Variants in MCMBP observed in about 807,000 individuals in gnomAD.
MCMBP encodes mini-chromosome maintenance complex-binding protein.
MCMBP carries 31 observed loss-of-function variants against 81.3 expected under a neutral mutation model. The observed-to-expected ratio is 0.38, with a 90% CI of 0.29 to 0.51. The LOEUF (loss-of-function observed/expected upper bound fraction) is 0.51, where lower values mean the gene tolerates loss of function less well. Ranked by LOEUF, MCMBP falls within the 20% of genes least tolerant of loss-of-function variation. The pLI is 0.87. For synonymous variants in MCMBP, 267 were observed against 275.9 expected (o/e 0.97, Z 0.32); for missense variants, 645 against 772.1 (o/e 0.84, Z 1.95).
At chr10:119,857,159 T>C (rs1241309325) in intron 5 of MCMBP, among the ~76,000 whole-genome samples, 179 bp downstream of exon 5, 1 of 150,986 alleles carries the variant, frequency 6.6e-6, no homozygotes, top group Non-Finnish European at 1.5e-5. Context: ...ACTATAGGAA[T>C]GTACTGTTAT....
chr10:119,857,315 A>T, intron 5 of MCMBP, 23 bp downstream of exon 5: 18 of 1,535,382 alleles, frequency 1.2e-5, no homozygotes, highest in Admixed American at 1.8e-5. Flanking sequence ...TCAACACAGT[A>T]AGAAAGTTCA....
Position 119,847,673 on chromosome 10 carries a change from A to G in MCMBP, c.767T>C (p.Leu256Pro). Residue 256 changes from leucine to proline, a missense_variant, in exon 8 of 16, where the codon CTT (leucine) becomes CCT (proline). Physicochemically the swap from Leu to Pro is moderately conservative, Grantham distance 98. Coordinates refer to ENST00000369077, the MANE Select transcript of MCMBP (RefSeq NM_001256378.2). ...CACAGACAGTATGCCATATAGCTCA[A>G]GAATGTCATTTACTTTGAAACAATC... ...DWDCFKVNDI[L>P]ELYGILSVDP... The G allele has an allele frequency of 6.2e-7, 1 of 1,611,974 alleles. No homozygotes were observed. The highest frequency in any genetic ancestry group is 8.5e-7 in the Non-Finnish European group (1 of 1,179,024).
rs1201694955 is a variant in MCMBP at position 119,849,492 on chromosome 10, T to C, written c.659A>G (p.Asn220Ser). 1.2e-6 allele frequency: 2 copies of C among 1,611,592 alleles called. No individual in the cohort carries two copies. The highest frequency in any genetic ancestry group is 1.7e-6 in the Non-Finnish European group (2 of 1,179,254). ...ATTCAAATCAAAAGGAGAAGACAAG[T>C]TCAGAGAGTTCAGCTGTTGCCCAGT... ...ASTGQQLNSL[N>S]LSSPFDLNFP... Residue 220 changes from asparagine (N) to serine (S), a missense_variant, in exon 7 of 16, where the codon AAC becomes AGC. Asn to Ser is a conservative substitution (Grantham distance 46, BLOSUM62 1). Coordinates refer to ENST00000369077, the MANE Select transcript of MCMBP (RefSeq NM_001256378.2).
intron 2 of MCMBP, 67 bp downstream of exon 2, chr10:119,859,732 G>A (rs899415932): frequency 1.0e-6 from 1 of 981,212 alleles, no homozygotes. Flanking sequence ...GGGTTACTTA[G>A]TTACTCTACT....
At chr10:119,872,330 G>C (rs1236042853) in intron 1 of MCMBP, among the ~76,000 whole-genome samples, 197 bp downstream of exon 1, 1 of 151,988 alleles carries the variant, frequency 6.6e-6, no homozygotes, top group Non-Finnish European at 1.5e-5. Context: ...AGGTACCTGC[G>C]GCCCGGCTCC....
intron 1 of MCMBP, among the ~76,000 whole-genome samples, chr10:119,866,091 TA>T (rs60232741): frequency 0.19 from 24,153 of 129,220 alleles, 2,005 homozygotes; most frequent in South Asian, 0.45. Flanking sequence ...CTCTATCTCT[TA>T]AAAAAAAAAA....
At chr10:119,859,922 G>T in intron 1 of MCMBP, 38 bp from the exon 2 acceptor site, 1 of 1,446,516 alleles carries the variant, frequency 6.9e-7, no homozygotes, top group South Asian at 1.2e-5. Context: ...TAATGTACAT[G>T]CAATATATAA....
chr10:119,831,740 C>T, intron 15 of MCMBP, 140 bp from the exon 16 acceptor site: 1 of 1,031,130 alleles, frequency 9.7e-7, no homozygotes, highest in South Asian at 1.7e-5. Flanking sequence ...CACAAGTCAA[C>T]AGCCAAGTTA....
intron 5 of MCMBP, among the ~76,000 whole-genome samples, chr10:119,853,679 T>G (rs973797523): frequency 6.6e-6 from 1 of 152,176 alleles, no homozygotes; most frequent in African/African-American, 2.4e-5. Flanking sequence ...AAGGTTCCAT[T>G]TGGATCTCTG....
chr10:119,873,452 G>C (rs566265316), upstream of MCMBP: 143 of 152,358 alleles, frequency 9.4e-4, 1 homozygote, highest in African/African-American at 3.3e-3. Flanking sequence ...CGCTCTAAAC[G>C]CTCCGGGCCC....
intron 1 of MCMBP, among the ~76,000 whole-genome samples, chr10:119,862,473 A>C (rs952464154): frequency 4.6e-5 from 7 of 152,200 alleles, no homozygotes; most frequent in African/African-American, 1.7e-4. Flanking sequence ...AAGTCCTAGT[A>C]AATCTTCAAG....
intron 5 of MCMBP, among the ~76,000 whole-genome samples, chr10:119,853,878 G>C (rs1386699739): frequency 6.6e-6 from 1 of 152,074 alleles, no homozygotes; most frequent in African/African-American, 2.4e-5. Context: ...ATGATCTACT[G>C]TTCAACAAGG....
chr10:119,871,962 G>A (rs574319847), intron 1 of MCMBP, among the ~76,000 whole-genome samples: 1 of 152,246 alleles, frequency 6.6e-6, no homozygotes, highest in African/African-American at 2.4e-5. Flanking sequence ...CAGACTAGAT[G>A]GGTTCTAAAG....
intron 15 of MCMBP, among the ~76,000 whole-genome samples, 165 bp from the exon 16 acceptor site, chr10:119,831,765 A>G (rs1203004751): frequency 6.6e-6 from 1 of 152,250 alleles, no homozygotes; most frequent in Admixed American, 6.5e-5. Context: ...TCTAAAAAGA[A>G]ATCGTTGAAG....
At position 119,868,077 on chromosome 10, in the gene MCMBP, A is replaced by C. The variant is rs183150669; in HGVS notation, c.58+4450T>G. On this transcript the variant is annotated intron_variant, in intron 1 of 15. Coordinates refer to ENST00000369077, the MANE Select transcript of MCMBP (RefSeq NM_001256378.2). ...CTAGTTCTGTTAGATACAACCAAAGAAGCTTAAATATAACGAGAATAATGA... is the reference window on the plus strand; with the variant it reads ...CTAGTTCTGTTAGATACAACCAAAGCAGCTTAAATATAACGAGAATAATGA... Among the ~76,000 whole-genome samples, 231 of 152,294 alleles carry C rather than the reference A, an allele frequency of 1.5e-3. 3 individuals carry two copies. The highest frequency in any genetic ancestry group is 2.8e-4 in the Non-Finnish European group (19 of 68,020).
chr10:119,866,996 A>AAAGCGGTTACT (rs1462041885), intron 1 of MCMBP, among the ~76,000 whole-genome samples: 2 of 151,316 alleles, frequency 1.3e-5, no homozygotes, highest in East Asian at 3.9e-4. Flanking sequence ...AAAACAGTTA[A>AAAGCGGTTACT]AAGCGGTTAC....
chr10:119,871,432 CT>C (rs1197038970), intron 1 of MCMBP, among the ~76,000 whole-genome samples: 1 of 151,784 alleles, frequency 6.6e-6, no homozygotes, highest in Non-Finnish European at 1.5e-5. Flanking sequence ...TCTATCCAGG[CT>C]TTTTTCTAAT....
rs772010840 is a variant in MCMBP at position 119,835,668 on chromosome 10, G to C, written c.1579C>G (p.Pro527Ala). The part of the protein sequence containing the change: ...CQIHLQPQLI[P>A]PNMEEYMNSL... Reference sequence around the variant, plus strand: ...TTCATGTACTCCTCCATGTTTGGTGGAATTAGCTGGGGCTGTAAGTGAATC... The same window carrying C: ...TTCATGTACTCCTCCATGTTTGGTGCAATTAGCTGGGGCTGTAAGTGAATC... Residue 527 changes from proline (P) to alanine (A), a missense_variant, in exon 14 of 16, where the codon CCA becomes GCA. By Grantham distance (27) the Pro-to-Ala change is conservative (BLOSUM62 -1). Transcript: ENST00000369077. The C allele has an allele frequency of 1.2e-6, 2 of 1,614,246 alleles. No individual in the cohort carries two copies. Among genetic ancestry groups the C allele is most frequent in the Non-Finnish European group, 1.7e-6 (2 of 1,180,044 alleles).
intron 1 of MCMBP, among the ~76,000 whole-genome samples, chr10:119,866,540 C>T (rs1359289711): frequency 2.0e-5 from 3 of 151,804 alleles, no homozygotes; most frequent in East Asian, 1.9e-4. Context: ...GCAAGAGAAT[C>T]GCTTGAACCC....
Sources: gnomAD v4.1 joint callset for allele counts (sites outside exome capture counted in the v4.1 genomes callset) on GRCh38, gnomAD v4.1.1 for gene constraint, MANE v1.5 for transcripts, NCBI Gene and HGNC (gene_info 2026-07-23, HGNC 2026-07-21) for gene names.